Variants in PACS1 observed in about 807,000 individuals in gnomAD.
The protein encoded by PACS1 is PACS-1.
Under a neutral mutation model 115.0 loss-of-function variants are expected in PACS1, and 24 were observed. The observed-to-expected ratio is 0.21, with a 90% confidence interval of 0.15 to 0.29. The LOEUF is 0.29. Ranked by LOEUF, PACS1 falls within the 10% of genes least tolerant of loss-of-function variation. The pLI is 1.00. For synonymous variants in PACS1, 453 were observed against 504.5 expected (o/e 0.90, Z 1.37); for missense variants, 838 against 1,251.2 (o/e 0.67, Z 4.98).
At chr11:66,123,189 C>CTTTTT (rs36008667) in intron 1 of PACS1, among the ~76,000 whole-genome samples, 1 of 137,684 alleles carries the variant, frequency 7.3e-6, no homozygotes, top group African/African-American at 2.7e-5. Flanking sequence ...AAATTGTTAG[C>CTTTTT]TTTTTTTTTT....
rs777318868 is a variant in PACS1 at position 66,239,193 on chromosome 11, C to T, written c.2345C>T (p.Pro782Leu). The T allele has an allele frequency of 6.2e-7, 1 of 1,614,150 alleles. No individual in the cohort carries two copies. Among genetic ancestry groups the T allele is most frequent in the Non-Finnish European group, 8.5e-7 (1 of 1,180,024 alleles). Residue 782 changes from proline to leucine, a missense_variant, in exon 21 of 24, where the codon CCA becomes CTA. Pro to Leu is a moderately conservative substitution (Grantham distance 98, BLOSUM62 -3). Transcript: ENST00000320580. The stretch of plus-strand genomic sequence containing the variant: ...AGCCTTACTGTGCCCTCCACATCAC[C>T]ACCCTCCAGCTCGGGCCTGAGCCGA... ...VVSLTVPSTS[P>L]PSSSGLSRDA...
chr11:66,239,397 C>T (rs1363297286), intron 21 of PACS1, 120 bp downstream of exon 21: 21 of 1,199,712 alleles, frequency 1.8e-5, no homozygotes, highest in Non-Finnish European at 2.3e-6. Flanking sequence ...GTAGTGCACA[C>T]CTGTGGTCCT....
chr11:66,162,097 T>C (rs1859499293), intron 1 of PACS1, among the ~76,000 whole-genome samples: 1 of 149,024 alleles, frequency 6.7e-6, no homozygotes, highest in Middle Eastern at 3.4e-3. Flanking sequence ...ATGTTTTCTG[T>C]TGGTGGTGGT....
At position 66,233,471 on chromosome 11, in the gene PACS1, C is replaced by A. The variant is rs1329463763; in HGVS notation, c.1839-314C>A. Among the ~76,000 whole-genome samples the A allele has an allele frequency of 6.6e-6, 1 of 152,204 alleles. No homozygotes were observed. The highest frequency in any genetic ancestry group is 1.5e-5 in the Non-Finnish European group (1 of 68,040). On this transcript the variant is annotated intron_variant, in intron 15 of 23. Coordinates refer to ENST00000320580, the MANE Select transcript of PACS1 (RefSeq NM_018026.4). The surrounding 1 kb of genome is among the most constrained non-coding windows in gnomAD (Gnocchi z 4.5). ...TTCTTAAAAGGCCCAAGTCCCTTGC[C>A]CTTGTGAAAGAGAACTATGGATTCC...
At chr11:66,071,469 C>G (rs1255468925) in intron 1 of PACS1, among the ~76,000 whole-genome samples, 1 of 152,228 alleles carries the variant, frequency 6.6e-6, no homozygotes. Context: ...CTCTGCAGGG[C>G]TGTATGAAAT....
Position 66,073,492 on chromosome 11 carries a change from C to T in PACS1, c.356+2650C>T, listed in dbSNP as rs147051073. Among the ~76,000 whole-genome samples the T allele has an allele frequency of 9.5e-4, 144 of 152,122 alleles. 2 individuals are homozygous for T. The East Asian group carries it at 0.026, about 28-fold the overall frequency. On this transcript the variant is annotated intron_variant, in intron 1 of 23. Coordinates refer to ENST00000320580, the MANE Select transcript of PACS1 (RefSeq NM_018026.4). ...GCAGAGAAGAGGGGCTCGAACAGTACAGTGTTAGGAAGGTCCTGCTGCTTT... is the reference window on the plus strand; with the variant it reads ...GCAGAGAAGAGGGGCTCGAACAGTATAGTGTTAGGAAGGTCCTGCTGCTTT...
In PACS1 at chr11:66,111,532, C is replaced by T. The variant is rs551326588; in HGVS notation, c.356+40690C>T. Among the ~76,000 whole-genome samples the T allele has an allele frequency of 1.4e-4, 22 of 152,364 alleles. No individual in the cohort carries two copies. In the East Asian group the frequency reaches 4.0e-3, roughly 28 times the overall value. ...TAATACAAGGACCTAACTCTTGATT[C>T]TCTCCACAACGCCAAACCTGTTTTT... is the stretch of plus-strand genomic sequence containing the variant. On this transcript the variant is annotated intron_variant, in intron 1 of 23. Transcript: ENST00000320580.
chr11:66,144,834 C>T (rs752770999), intron 1 of PACS1, among the ~76,000 whole-genome samples: 1 of 152,104 alleles, frequency 6.6e-6, no homozygotes, highest in Non-Finnish European at 1.5e-5. Flanking sequence ...AGGGTTTCAC[C>T]ATGTTGGCCA....
At chr11:66,118,955 C>T (rs1470367262) in intron 1 of PACS1, among the ~76,000 whole-genome samples, 1 of 151,968 alleles carries the variant, frequency 6.6e-6, no homozygotes, top group Non-Finnish European at 1.5e-5. Context: ...AATAATCAAC[C>T]ACAACATGTT....
intron 2 of PACS1, among the ~76,000 whole-genome samples, chr11:66,202,782 T>TATATATATATATATATATA (rs1854845586): frequency 8.4e-6 from 1 of 119,692 alleles, no homozygotes; most frequent in Non-Finnish European, 1.7e-5. Flanking sequence ...TATATATATA[T>TATATATATATATATATATA]TCTGAAAAAG....
At position 66,235,374 on chromosome 11, in the gene PACS1, C is replaced by T. The variant is rs138700761; in HGVS notation, c.2178C>T (p.Ala726=). The T allele has an allele frequency of 9.1e-5, 147 of 1,613,844 alleles. No individual in the cohort carries two copies. Among genetic ancestry groups the T allele is most frequent in the African/African-American group, 4.8e-4 (36 of 75,020 alleles). The change falls in exon 18 of 24, where the codon GCC becomes GCT. Residue 726 remains alanine (A), a synonymous_variant. Transcript: ENST00000320580. This position sits in a 1 kb window ranked among gnomAD's most constrained non-coding sequence, Gnocchi z 5.6. ...CCACGACACACCAGCTTCCCGTGGC[C>T]GAAGCCATGCTGACTTGCCGGCATA... ...GAATTHQLPV[A]EAMLTCRHKF... is the part of the protein sequence containing the mutation.
At chr11:66,176,415 A>ATTTT (rs11424379) in intron 1 of PACS1, among the ~76,000 whole-genome samples, 1 of 143,128 alleles carries the variant, frequency 7.0e-6, no homozygotes. Context: ...TAAGATCCAG[A>ATTTT]TTTTTTTTTT....
At chr11:66,100,409 G>A (rs181965043) in intron 1 of PACS1, among the ~76,000 whole-genome samples, 4 of 152,124 alleles carry the variant, frequency 2.6e-5, no homozygotes, top group South Asian at 2.1e-4. Flanking sequence ...ACATCTGCAC[G>A]TGCCCTCACA....
At chr11:66,197,859 T>C (rs1854683699) in intron 2 of PACS1, among the ~76,000 whole-genome samples, 1 of 152,238 alleles carries the variant, frequency 6.6e-6, no homozygotes, top group African/African-American at 2.4e-5. Context: ...AAAATGCTCC[T>C]CTGTTTTCCA....
At chr11:66,087,871 TG>T (rs913300783) in intron 1 of PACS1, among the ~76,000 whole-genome samples, 6 of 152,316 alleles carry the variant, frequency 3.9e-5, no homozygotes, top group African/African-American at 1.4e-4. Flanking sequence ...AAGTTCCTGT[TG>T]CTGCACATCT....
At chr11:66,223,662 G>A (rs1000586605) in intron 10 of PACS1, among the ~76,000 whole-genome samples, 7 of 152,110 alleles carry the variant, frequency 4.6e-5, no homozygotes, top group Non-Finnish European at 8.8e-5. Flanking sequence ...GCTGGCTGAG[G>A]GAGGACTCTT....
rs188580199 is a variant in PACS1, at chr11:66,233,984, A to G, written c.1993+45A>G. 5.1e-6 allele frequency: 8 copies of G among 1,571,436 alleles called. No individual in the cohort carries two copies. The highest frequency in any genetic ancestry group is 6.9e-6 in the Non-Finnish European group (8 of 1,155,550). On this transcript the variant is annotated intron_variant, in intron 16 of 23. Transcript: ENST00000320580. This position sits in a 1 kb window ranked among gnomAD's most constrained non-coding sequence, Gnocchi z 4.5. ...GGAGGGCGTCGGGCATGAGGGTTCC[A>G]TAGACAGATGCCTCATCTGGAACAG...
At position 66,227,537 on chromosome 11, in the gene PACS1, A is replaced by G. The variant is rs1244446474; in HGVS notation, c.1327A>G (p.Thr443Ala). The G allele has an allele frequency of 6.2e-7, 1 of 1,611,276 alleles. No individual in the cohort carries two copies. Among genetic ancestry groups the G allele is most frequent in the Non-Finnish European group, 8.5e-7 (1 of 1,178,058 alleles). Residue 443 changes from threonine (T) to alanine (A), a missense_variant, in exon 11 of 24, where the codon ACT becomes GCT. Transcript: ENST00000320580. ...GGCTGCTCTAGAAAAAATTAAATCT[A>G]CTTGGATTAAAAACCAAGATGACAG... The part of the protein sequence containing the change: ...ELAALEKIKS[T>A]WIKNQDDSLT...
At chr11:66,140,035 C>CG (rs1858941907) in intron 1 of PACS1, among the ~76,000 whole-genome samples, 1 of 152,174 alleles carries the variant, frequency 6.6e-6, no homozygotes, top group African/African-American at 2.4e-5. Context: ...CCTTTACCCA[C>CG]GTACTGAATC....
Sources: gnomAD v4.1 joint callset for allele counts (sites outside exome capture counted in the v4.1 genomes callset) on GRCh38, gnomAD v4.1.1 for gene constraint, Gnocchi (gnomAD v3.1) non-coding constraint, MANE v1.5 for transcripts, NCBI Gene and HGNC (gene_info 2026-07-23, HGNC 2026-07-21) for gene names.